The following SCAF11 variants were observed in gnomAD, a reference collection of about 807,000 sequenced individuals.
The protein encoded by SCAF11 is protein SCAF11.
In SCAF11, 47 loss-of-function variants were observed where a neutral mutation model predicts 140.5. That is an observed-to-expected ratio of 0.33 (90% confidence interval 0.26 to 0.43). The LOEUF (loss-of-function observed/expected upper bound fraction) is 0.43, where lower values mean the gene tolerates loss of function less well. Among genes scored for constraint, SCAF11 ranks in the 20% least tolerant of loss-of-function variants. SCAF11 has a pLI of 1.00. For missense variants in SCAF11, 1,645 were observed against 1,705.1 expected (o/e 0.96, Z 0.62); for synonymous variants, 557 against 579.4 (o/e 0.96, Z 0.55).
At position 45,932,053 on chromosome 12, in the gene SCAF11, A is replaced by G. The variant is rs577478231; in HGVS notation, c.735-441T>C. Among the ~76,000 whole-genome samples, 21 of 152,210 alleles carry G rather than the reference A, an allele frequency of 1.4e-4. 1 individual carries two copies. In the South Asian group the frequency reaches 4.4e-3, roughly 32 times the overall value. On this transcript the variant is annotated intron_variant, in intron 9 of 14. Transcript: ENST00000369367. ...CCAAAGTGTGTGCATATATATATATATATGTCTGTGTTAACCACCACCCCA... is the reference window on the plus strand; with the variant it reads ...CCAAAGTGTGTGCATATATATATATGTATGTCTGTGTTAACCACCACCCCA...
intron 1 of SCAF11, chr12:45,974,386 CA>C: frequency 8.5e-6 from 3 of 354,824 alleles, no homozygotes; most frequent in South Asian, 2.1e-5. Context: ...ACTCCTTTCA[CA>C]AAAAATTTCT....
chr12:45,930,445 G>GTTTTTTTTT (rs1262102132), intron 10 of SCAF11, among the ~76,000 whole-genome samples: 1 of 123,716 alleles, frequency 8.1e-6, no homozygotes. Context: ...GTTGTGTTTT[G>GTTTTTTTTT]TTTTTTTTTT....
intron 6 of SCAF11, among the ~76,000 whole-genome samples, chr12:45,937,585 T>C (rs1468915964): frequency 6.6e-6 from 1 of 152,190 alleles, no homozygotes; most frequent in East Asian, 1.9e-4. Context: ...TGTAGGGTGA[T>C]CAAGCAGACA....
intron 3 of SCAF11, chr12:45,955,337 T>A (rs1445503652): frequency 6.6e-6 from 1 of 152,016 alleles, no homozygotes; most frequent in East Asian, 1.9e-4. Context: ...TTTGTAGAGA[T>A]CGGGTTTTGC....
At chr12:45,978,652 T>C (rs1000808519) in intron 1 of SCAF11, among the ~76,000 whole-genome samples, 1 of 152,042 alleles carries the variant, frequency 6.6e-6, no homozygotes, top group African/African-American at 2.4e-5. Flanking sequence ...CGTATGGAAG[T>C]AGAGGAAGAA....
chr12:45,985,187 T>G (rs1276072723), intron 1 of SCAF11, among the ~76,000 whole-genome samples: 1 of 152,180 alleles, frequency 6.6e-6, no homozygotes, highest in Non-Finnish European at 1.5e-5. Context: ...TTTCTCCAAT[T>G]TCAGTCCGCA....
At chr12:45,949,214 C>A (rs904877094) in intron 4 of SCAF11, among the ~76,000 whole-genome samples, 4 of 152,088 alleles carry the variant, frequency 2.6e-5, no homozygotes, top group African/African-American at 9.7e-5. Context: ...TTAAGATAGA[C>A]TAGATCTATG....
chr12:45,927,258 G>T lies in SCAF11; in HGVS notation c.2443C>A (p.Gln815Lys). The change falls in exon 11 of 15, where the codon CAG (glutamine) becomes AAG (lysine). Residue 815 changes from glutamine (Q) to lysine (K), a missense_variant. Physicochemically the swap from Gln to Lys is moderately conservative, Grantham distance 53. Transcript: ENST00000369367. ...GTTTCTCTTCTGGGAGATGGAGACT[G>T]GGGCCGCTTCTTTTCTTGTGGAGTG... ...KDTPQEKKRPQSPSPRRETGK... is the reference protein window; with the variant it reads ...KDTPQEKKRPKSPSPRRETGK... The T allele has an allele frequency of 6.2e-7, 1 of 1,613,906 alleles. No individual in the cohort carries two copies.
chr12:45,956,612 G>T (rs1945697373), intron 3 of SCAF11, among the ~76,000 whole-genome samples: 1 of 152,178 alleles, frequency 6.6e-6, no homozygotes, highest in South Asian at 2.1e-4. Context: ...ATGGCTGTCA[G>T]TGATAAAATT....
chr12:45,940,668 T>G (rs1022492343), intron 6 of SCAF11, among the ~76,000 whole-genome samples: 2 of 152,256 alleles, frequency 1.3e-5, no homozygotes, highest in Non-Finnish European at 2.9e-5. Context: ...TCTAACAGAT[T>G]ACTTGGCTTC....
chr12:45,972,848 GTA>G (rs764670631), intron 1 of SCAF11, among the ~76,000 whole-genome samples: 5 of 126,644 alleles, frequency 3.9e-5, no homozygotes, highest in East Asian at 4.4e-4. Flanking sequence ...TTTAAAGCCA[GTA>G]TATATATATA....
chr12:45,945,319 A>G lies in SCAF11; in HGVS notation c.399-6T>C. On this transcript the variant is annotated splice_polypyrimidine_tract_variant and splice_region_variant and intron_variant, in intron 5 of 14. Coordinates refer to ENST00000369367, the MANE Select transcript of SCAF11 (RefSeq NM_004719.3). ...CTCTTACGATGGCTTTTCTTCTGTA[A>G]ACATCAATAAAGACAGGAAAGAATT... 1 of 1,522,570 alleles carries G rather than the reference A, an allele frequency of 6.6e-7. No individual in the cohort carries two copies. The highest frequency in any genetic ancestry group is 8.9e-7 in the Non-Finnish European group (1 of 1,118,930). The allele number at this position is 1,522,570 out of a possible 1,614,324, so 94.3% of individuals were successfully genotyped here.
chr12:45,986,685 C>T (rs1565697639), intron 1 of SCAF11, among the ~76,000 whole-genome samples: 1 of 152,200 alleles, frequency 6.6e-6, no homozygotes, highest in African/African-American at 2.4e-5. Flanking sequence ...ATAATTCCCA[C>T]GTGTTGTGGG....
At chr12:45,963,101 A>G (rs529911999) in intron 2 of SCAF11, among the ~76,000 whole-genome samples, 1 of 152,340 alleles carries the variant, frequency 6.6e-6, no homozygotes, top group African/African-American at 2.4e-5. Context: ...ACAGAAAAGG[A>G]AATATAAGAC....
chr12:45,976,270 C>G (rs1393264197), intron 1 of SCAF11, among the ~76,000 whole-genome samples: 1 of 152,080 alleles, frequency 6.6e-6, no homozygotes, highest in Non-Finnish European at 1.5e-5. Flanking sequence ...AAACATTAGT[C>G]AACGTCTTGT....
intron 1 of SCAF11, chr12:45,974,547 C>T (rs1026806534): frequency 5.2e-6 from 1 of 191,920 alleles, no homozygotes; most frequent in Admixed American, 5.5e-5. Context: ...GAGCACATTC[C>T]ATCTCAAGAA....
intron 1 of SCAF11, among the ~76,000 whole-genome samples, chr12:45,984,015 A>C (rs1169876287): frequency 6.6e-6 from 1 of 152,200 alleles, no homozygotes; most frequent in Non-Finnish European, 1.5e-5. Context: ...TTTTACAAAA[A>C]GGAATAAGTA....
At chr12:45,986,846 T>A (rs1166694813) in intron 1 of SCAF11, among the ~76,000 whole-genome samples, 1 of 152,174 alleles carries the variant, frequency 6.6e-6, no homozygotes, top group African/African-American at 2.4e-5. Flanking sequence ...AACCACTATG[T>A]AAGAAGTGCC....
intron 6 of SCAF11, among the ~76,000 whole-genome samples, chr12:45,936,148 T>C (rs976476111): frequency 7.2e-6 from 1 of 139,624 alleles, no homozygotes; most frequent in South Asian, 2.2e-4. Flanking sequence ...GTTTTTTTTG[T>C]TTTTTTTTTT....
Sources: gnomAD v4.1 joint callset for allele counts (sites outside exome capture counted in the v4.1 genomes callset) on GRCh38, gnomAD v4.1.1 for gene constraint, MANE v1.5 for transcripts, NCBI Gene and HGNC (gene_info 2026-07-23, HGNC 2026-07-21) for gene names.